The following SFTPC variants were observed in gnomAD, a reference collection of about 807,000 sequenced individuals.
The protein encoded by SFTPC is BRICHOS domain containing 6.
A neutral mutation model predicts 19.9 loss-of-function variants in SFTPC; 12 were observed. The ratio of observed to expected loss-of-function variants is 0.60; its 90% CI spans 0.39 to 0.98. SFTPC has a LOEUF of 0.98. SFTPC is among the 50% of genes least tolerant of loss of function. The probability of loss-of-function intolerance (pLI) is 0.00; values close to 1 mark genes in which losing one functional copy is unlikely to be tolerated. For missense variants in SFTPC, 219 were observed against 252.2 expected, an observed-to-expected ratio of 0.87 and a Z score of 0.89; for synonymous variants, 123 against 103.3, an observed-to-expected ratio of 1.19 and a Z score of -1.16.
chr8:22,161,669 G>T, upstream of SFTPC: 1 of 1,598,330 alleles, frequency 6.3e-7, no homozygotes, highest in Non-Finnish European at 8.5e-7. Flanking sequence ...TCTGGGCTTC[G>T]GTTCTGGAGG....
rs538796102 is a variant in SFTPC at position 22,162,755 on chromosome 8, C to A, written c.201+23C>A. 27 of 1,613,684 alleles carry A rather than the reference C, an allele frequency of 1.7e-5. 1 individual carries two copies. The South Asian group carries it at 2.4e-4, about 14-fold the overall frequency. On this transcript the variant is annotated intron_variant, in intron 2 of 5. Coordinates refer to ENST00000679463, the MANE Select transcript of SFTPC (RefSeq NM_001317778.2). ...ATGGTGAGAGGTGTGGGATGCACAG[C>A]AGTGGGCACAGGACATGCCAGACAG...
chr8:22,159,852 ACTCGTGAGT>A, upstream of SFTPC: 1 of 1,288,392 alleles, frequency 7.8e-7, no homozygotes, highest in Non-Finnish European at 1.0e-6. Flanking sequence ...CAGGCCCAGT[ACTCGTGAGT>A]CAGCCGATCA....
upstream of SFTPC, chr8:22,158,646 C>T (rs1049183698): frequency 2.0e-5 from 3 of 152,228 alleles, no homozygotes; most frequent in African/African-American, 7.2e-5. Flanking sequence ...ATGTCACACC[C>T]ATGATGCTAT....
rs529959941 is a variant in SFTPC, at chr8:22,164,017, C to T, written c.552C>T (p.Gly184=). 3.3e-4 allele frequency: 536 copies of T among 1,612,200 alleles called. 4 individuals carry two copies. The South Asian group carries it at 4.3e-3, about 13-fold the overall frequency. The change falls in exon 5 of 6, where the codon GGC becomes GGT. Residue 184 remains glycine, a synonymous_variant. Transcript: ENST00000679463. ...GCATGGCCGTGAGCACCCTGTGTGG[C>T]GAGGTGCCGCTCTACTACATCTAGG... ...FLGMAVSTLC[G]EVPLYYI is the part of the protein sequence containing the mutation.
rs758875625 is a variant in SFTPC, at chr8:22,163,463, G to C, written c.352G>C (p.Gly118Arg). ...QLLIAYKPAP[G>R]TCCYIMKIAP... Reference sequence around the variant, plus strand: ...GCTGATCGCCTACAAGCCAGCCCCTGGCACCTGCTGCTACATCATGAAGAT... The same window carrying C: ...GCTGATCGCCTACAAGCCAGCCCCTCGCACCTGCTGCTACATCATGAAGAT... Residue 118 changes from glycine (G) to arginine (R), a missense_variant, in exon 4 of 6, where the codon GGC (glycine) becomes CGC (arginine). Transcript: ENST00000679463. 2.5e-6 allele frequency: 4 copies of C among 1,614,094 alleles called. No homozygotes were observed. Among genetic ancestry groups the C allele is most frequent in the East Asian group, 2.2e-5 (1 of 44,882 alleles).
intron 4 of SFTPC, 155 bp from the exon 5 acceptor site, chr8:22,163,746 C>G: frequency 1.2e-6 from 1 of 851,276 alleles, no homozygotes; most frequent in Non-Finnish European, 2.0e-6. Flanking sequence ...AGTCCACTCA[C>G]TACCTGGTGG....
At position 22,162,611 on chromosome 8, in the gene SFTPC, C is replaced by T. The variant is rs762396958; in HGVS notation, c.80C>T (p.Pro27Leu). ...SAAPRGRFGI[P>L]CCPVHLKRLL... is the part of the protein sequence containing the mutation. ...GCTCCCCGGGGCCGATTTGGCATTC[C>T]CTGCTGCCCAGTGCACCTGAAACGC... The change falls in exon 2 of 6, where the codon CCC becomes CTC. Residue 27 changes from proline to leucine, a missense_variant. By Grantham distance (98) the Pro-to-Leu change is moderately conservative. Transcript: ENST00000679463. The T allele has an allele frequency of 1.2e-6, 2 of 1,614,166 alleles. No homozygotes were observed. Among genetic ancestry groups the T allele is most frequent in the South Asian group, 1.1e-5 (1 of 91,082 alleles).
Position 22,164,166 on chromosome 8 carries a change from G to A in SFTPC, c.*19-100G>A, listed in dbSNP as rs1377334553. 1.3e-5 allele frequency: 20 copies of A among 1,545,926 alleles called. No individual in the cohort carries two copies. The East Asian group carries it at 4.4e-4, about 34-fold the overall frequency. ...CAGGCGCTGGGGCGTCCACTGAAGCGGGGTCATCCAGGCAACTCGGGGGAG... is the reference window on the plus strand; with the variant it reads ...CAGGCGCTGGGGCGTCCACTGAAGCAGGGTCATCCAGGCAACTCGGGGGAG... On this transcript the variant is annotated intron_variant, in intron 5 of 5. Transcript: ENST00000679463.
intron 2 of SFTPC, 80 bp from the exon 3 acceptor site, chr8:22,162,998 TAC>T: frequency 6.3e-7 from 1 of 1,586,218 alleles, no homozygotes; most frequent in Non-Finnish European, 8.6e-7. Context: ...CGCATTTGAG[TAC>T]AGAGGCCTGA....
In SFTPC at chr8:22,162,676, G is replaced by A; in HGVS notation, c.145G>A (p.Val49Met). 1 of 1,614,218 alleles carries A rather than the reference G, an allele frequency of 6.2e-7. No individual in the cohort carries two copies. Among genetic ancestry groups the A allele is most frequent in the Non-Finnish European group, 8.5e-7 (1 of 1,180,040 alleles). Reference protein sequence around the residue: ...VVVVVVLIVVVIVGALLMGLH... With the variant: ...VVVVVVLIVVMIVGALLMGLH... ...GGTGGTGGTGGTCCTCATCGTCGTGGTGATTGTGGGAGCCCTGCTCATGGG... is the reference window on the plus strand; with the variant it reads ...GGTGGTGGTGGTCCTCATCGTCGTGATGATTGTGGGAGCCCTGCTCATGGG... The change falls in exon 2 of 6, where the codon GTG becomes ATG. Residue 49 changes from valine to methionine, a missense_variant. Val to Met is a conservative substitution (Grantham distance 21). Coordinates refer to ENST00000679463, the MANE Select transcript of SFTPC (RefSeq NM_001317778.2).
At chr8:22,159,430 T>G (rs8192313), upstream of SFTPC, 82,020 of 275,648 alleles carry the variant, frequency 0.3, 12,427 homozygotes, top group East Asian at 0.35. Context: ...GAGGGGGAAA[T>G]TTGGCACACC....
At chr8:22,162,482 G>C (rs2131814211) in intron 1 of SFTPC, 92 bp from the exon 2 acceptor site, 1 of 1,419,080 alleles carries the variant, frequency 7.0e-7, no homozygotes, top group African/African-American at 1.4e-5. Context: ...CCAGCCCTAG[G>C]CAGCCGTGGG....
intron 2 of SFTPC, 81 bp from the exon 3 acceptor site, chr8:22,162,999 A>T: frequency 1.3e-6 from 2 of 1,587,960 alleles, no homozygotes; most frequent in Non-Finnish European, 1.7e-6. Flanking sequence ...GCATTTGAGT[A>T]CAGAGGCCTG....
chr8:22,164,115 G>C, intron 5 of SFTPC, 56 bp downstream of exon 5: 3 of 1,607,166 alleles, frequency 1.9e-6, no homozygotes, highest in Non-Finnish European at 1.7e-6. Context: ...CACCTGCCCG[G>C]GCTGTGGAGG....
chr8:22,159,636 G>C, upstream of SFTPC: 1 of 501,466 alleles, frequency 2.0e-6, no homozygotes, highest in Non-Finnish European at 3.7e-6. Flanking sequence ...GCAACAGGCA[G>C]GGGAGACCAA....
At chr8:22,163,309 T>G in intron 3 of SFTPC, 107 bp downstream of exon 3, 4 of 1,549,548 alleles carry the variant, frequency 2.6e-6, no homozygotes, top group Non-Finnish European at 3.6e-6. Context: ...CCTCCAGACC[T>G]TTTTTGCCTG....
chr8:22,159,648 G>A (rs1827634861), upstream of SFTPC: 3 of 562,064 alleles, frequency 5.3e-6, no homozygotes, highest in African/African-American at 3.9e-5. Flanking sequence ...GGAGACCAAG[G>A]ACCAGAAAGA....
upstream of SFTPC, chr8:22,157,798 C>T (rs528134482): frequency 6.9e-6 from 1 of 145,630 alleles, no homozygotes; most frequent in African/African-American, 2.8e-5. Context: ...TTTTATTTTG[C>T]TTTGTAAAAT....
chr8:22,162,879 C>A, intron 2 of SFTPC, 147 bp downstream of exon 2: 1 of 1,341,208 alleles, frequency 7.5e-7, no homozygotes, highest in Non-Finnish European at 1.1e-6. Flanking sequence ...AACCAGGCAG[C>A]AACCCAGCTC....
Sources: gnomAD v4.1 joint callset for allele counts on GRCh38, gnomAD v4.1.1 for gene constraint, MANE v1.5 for transcripts, NCBI Gene and HGNC (gene_info 2026-07-23, HGNC 2026-07-21) for gene names.